NOCT: variants seen among roughly 807,000 people sequenced by gnomAD.
NOCT encodes nocturnin.
Under a neutral mutation model 35.0 loss-of-function variants are expected in NOCT, and 18 were observed. The observed-to-expected ratio is 0.51, with a 90% CI of 0.36 to 0.76. The LOEUF (loss-of-function observed/expected upper bound fraction) is 0.76, where lower values mean the gene tolerates loss of function less well. Among genes scored for constraint, NOCT ranks in the 30% least tolerant of loss-of-function variants. NOCT has a pLI of 0.01. For synonymous variants in NOCT, 235 were observed against 226.3 expected (o/e 1.04, Z -0.34); for missense variants, 479 against 541.0 (o/e 0.89, Z 1.14).
intron 1 of NOCT, among the ~76,000 whole-genome samples, chr4:139,040,949 T>A (rs1726824709): frequency 6.6e-6 from 1 of 152,160 alleles, no homozygotes; most frequent in Non-Finnish European, 1.5e-5. Flanking sequence ...AAACTTGTAC[T>A]GCCAGCCATG....
At chr4:139,017,014 T>A in intron 1 of NOCT, among the ~76,000 whole-genome samples, 1 of 132,016 alleles carries the variant, frequency 7.6e-6, no homozygotes, top group African/African-American at 2.8e-5. Context: ...TTAACATCAT[T>A]TTTTGTCCTG....
rs182296929 is a variant in NOCT at position 139,036,224 on chromosome 4, G to A, written c.191-6850G>A. Among the ~76,000 whole-genome samples, 22 of 152,148 alleles carry A rather than the reference G, an allele frequency of 1.4e-4. No homozygotes were observed. In the East Asian group the frequency reaches 1.7e-3, roughly 12 times the overall value. On this transcript the variant is annotated intron_variant, in intron 1 of 2. Coordinates refer to ENST00000280614, the MANE Select transcript of NOCT (RefSeq NM_012118.4). ...ATCTCCAGGGTAGTGTCTGGTACACGGTAGGCACTAAAACCTTTTTTTTCC... is the reference window on the plus strand; with the variant it reads ...ATCTCCAGGGTAGTGTCTGGTACACAGTAGGCACTAAAACCTTTTTTTTCC...
rs553617451 is a variant in NOCT, at chr4:139,029,892, G to A, written c.191-13182G>A. Among the ~76,000 whole-genome samples, 8 of 152,262 alleles carry A rather than the reference G, an allele frequency of 5.3e-5. No individual in the cohort carries two copies. The East Asian group carries it at 1.4e-3, about 26-fold the overall frequency. Reference sequence around the variant, plus strand: ...CCACAGTTTCACAAAAATTTAGAAAGAGTTACTTTTTTTCTTTTTGAGACA... The same window carrying A: ...CCACAGTTTCACAAAAATTTAGAAAAAGTTACTTTTTTTCTTTTTGAGACA... On this transcript the variant is annotated intron_variant, in intron 1 of 2. Transcript: ENST00000280614.
chr4:139,027,789 C>G (rs1354933167), intron 1 of NOCT, among the ~76,000 whole-genome samples: 1 of 152,168 alleles, frequency 6.6e-6, no homozygotes, highest in East Asian at 1.9e-4. Flanking sequence ...TGAGCCAACG[C>G]GCCTGGCCTA....
At chr4:139,037,764 G>A (rs999848650) in intron 1 of NOCT, among the ~76,000 whole-genome samples, 1 of 152,062 alleles carries the variant, frequency 6.6e-6, no homozygotes, top group Non-Finnish European at 1.5e-5. Context: ...GGTGTGCACC[G>A]GTAGTCTCAG....
rs189189639 is a variant in NOCT at position 139,022,872 on chromosome 4, G to C, written c.190+6701G>C. 2.1e-3 allele frequency among the ~76,000 whole-genome samples: 321 copies of C among 152,144 alleles called. 2 individuals are homozygous for C. Among genetic ancestry groups the C allele is most frequent in the African/African-American group, 7.5e-3 (310 of 41,520 alleles). On this transcript the variant is annotated intron_variant, in intron 1 of 2. Coordinates refer to ENST00000280614, the MANE Select transcript of NOCT (RefSeq NM_012118.4). Reference sequence around the variant, plus strand: ...CACTTTGGGAGGCCAAGGAGGTGGGGGGAATCACTTGAGGTTAGGAGTTCG... The same window carrying C: ...CACTTTGGGAGGCCAAGGAGGTGGGCGGAATCACTTGAGGTTAGGAGTTCG...
At chr4:139,022,956 C>T (rs970056895) in intron 1 of NOCT, among the ~76,000 whole-genome samples, 7 of 151,906 alleles carry the variant, frequency 4.6e-5, no homozygotes, top group African/African-American at 7.3e-5. Context: ...AAAAATTAGC[C>T]GGGTGTTGGT....
At chr4:139,027,624 C>T (rs1461596557) in intron 1 of NOCT, among the ~76,000 whole-genome samples, 1 of 152,030 alleles carries the variant, frequency 6.6e-6, no homozygotes, top group Non-Finnish European at 1.5e-5. Context: ...CTCAGCCTCC[C>T]GAGTAGCTGG....
chr4:139,021,751 TAC>T (rs1578624626), intron 1 of NOCT, among the ~76,000 whole-genome samples: 2 of 129,066 alleles, frequency 1.5e-5, no homozygotes. Flanking sequence ...GGTGACTAAT[TAC>T]AGTTTTTCTG....
At chr4:139,021,058 A>G (rs1434445502) in intron 1 of NOCT, among the ~76,000 whole-genome samples, 1 of 148,994 alleles carries the variant, frequency 6.7e-6, no homozygotes, top group Non-Finnish European at 1.5e-5. Flanking sequence ...CAGTAGGAGC[A>G]ATACTCTGTC....
intron 1 of NOCT, among the ~76,000 whole-genome samples, chr4:139,027,426 C>A (rs1330088205): frequency 1.3e-5 from 2 of 152,128 alleles, no homozygotes; most frequent in African/African-American, 4.8e-5. Context: ...GCTTTCTGGG[C>A]CATATATCTG....
intron 1 of NOCT, among the ~76,000 whole-genome samples, chr4:139,030,807 G>T (rs971563042): frequency 1.3e-5 from 2 of 152,156 alleles, no homozygotes; most frequent in Non-Finnish European, 2.9e-5. Context: ...TGTTCAACAC[G>T]CATGGCCAGT....
At position 139,044,931 on chromosome 4, in the gene NOCT, C is replaced by A. The variant is rs765942545; in HGVS notation, c.753C>A (p.Ala251=). The A allele has an allele frequency of 6.2e-7, 1 of 1,614,052 alleles. No individual in the cohort carries two copies. The highest frequency in any genetic ancestry group is 1.3e-5 in the African/African-American group (1 of 74,908). ...LQNRFKLVNS[A]NIRLTAMTLK... is the part of the protein sequence containing the mutation. ...ACCGATTCAAGCTAGTCAACAGTGC[C>A]AATATTAGGCTGACAGCCATGACAT... Residue 251 remains alanine, a synonymous_variant, in exon 3 of 3, where the codon GCC becomes GCA. Coordinates refer to ENST00000280614, the MANE Select transcript of NOCT (RefSeq NM_012118.4).
At chr4:139,040,014 C>G (rs894040687) in intron 1 of NOCT, among the ~76,000 whole-genome samples, 1 of 151,198 alleles carries the variant, frequency 6.6e-6, no homozygotes, top group Non-Finnish European at 1.5e-5. Flanking sequence ...AGGCATGAGC[C>G]ACCGCGTCCG....
chr4:139,026,851 C>CTTTTTT (rs930223076), intron 1 of NOCT, among the ~76,000 whole-genome samples: 1 of 143,976 alleles, frequency 6.9e-6, no homozygotes, highest in African/African-American at 2.6e-5. Flanking sequence ...CATCCCTGGC[C>CTTTTTT]TTTTTTTTTT....
At chr4:139,037,165 A>G (rs1726750649) in intron 1 of NOCT, among the ~76,000 whole-genome samples, 1 of 152,208 alleles carries the variant, frequency 6.6e-6, no homozygotes, top group Non-Finnish European at 1.5e-5. Context: ...GTAAGGTCTA[A>G]GGGGACAGAG....
intron 1 of NOCT, among the ~76,000 whole-genome samples, chr4:139,023,351 C>T (rs1271023589): frequency 2.0e-5 from 3 of 152,108 alleles, no homozygotes; most frequent in Admixed American, 6.6e-5. Flanking sequence ...CTAATAATAC[C>T]TGGGATATAA....
intron 1 of NOCT, among the ~76,000 whole-genome samples, chr4:139,028,881 G>A (rs1207940196): frequency 6.6e-6 from 1 of 151,992 alleles, no homozygotes; most frequent in Admixed American, 6.6e-5. Context: ...TTGCTCTGTC[G>A]CCCAGGCTGG....
intron 1 of NOCT, among the ~76,000 whole-genome samples, chr4:139,035,512 T>C (rs1726714584): frequency 6.6e-6 from 1 of 152,214 alleles, no homozygotes; most frequent in Admixed American, 6.5e-5. Context: ...AACTTTAGAT[T>C]GATTGAGAAT....
Sources: allele counts gnomAD v4.1 joint callset (sites outside exome capture counted in the v4.1 genomes callset), GRCh38; gene constraint gnomAD v4.1.1; transcripts MANE v1.5; gene names NCBI Gene and HGNC (gene_info 2026-07-23, HGNC 2026-07-21).